CDH23: variants seen among roughly 807,000 people sequenced by gnomAD.
The protein encoded by CDH23 is cadherin-23.
A neutral mutation model predicts 317.1 loss-of-function variants in CDH23; 189 were observed. The ratio of observed to expected loss-of-function variants is 0.60; its 90% CI spans 0.53 to 0.67. The LOEUF is 0.67. CDH23 is among the 30% of genes least tolerant of loss of function. The pLI is 0.00. For missense variants in CDH23, 4,401 were observed against 4,592.4 expected, an observed-to-expected ratio of 0.96 and a Z score of 1.20; for synonymous variants, 1,839 against 1,876.8, an observed-to-expected ratio of 0.98 and a Z score of 0.52.
At chr10:71,787,544 C>T (rs893575351) in intron 44 of CDH23, among the ~76,000 whole-genome samples, 4 of 145,436 alleles carry the variant, frequency 2.8e-5, no homozygotes, top group African/African-American at 1.0e-4. Context: ...TCTTCCCATC[C>T]TCCCACCCTT....
intron 1 of CDH23, among the ~76,000 whole-genome samples, chr10:71,422,234 T>C (rs929491197): frequency 6.6e-6 from 1 of 152,190 alleles, no homozygotes; most frequent in Non-Finnish European, 1.5e-5. Context: ...CATCTTGAAA[T>C]CACTGGTTCT....
intron 1 of CDH23, among the ~76,000 whole-genome samples, chr10:71,401,663 G>A (rs1847787508): frequency 6.6e-6 from 1 of 152,150 alleles, no homozygotes; most frequent in Non-Finnish European, 1.5e-5. Context: ...TAACACAATA[G>A]GGAGTGGTGG....
chr10:71,739,506 TA>T, intron 35 of CDH23, 137 bp from the exon 36 acceptor site: 1 of 1,045,934 alleles, frequency 9.6e-7, no homozygotes, highest in East Asian at 2.6e-5. Flanking sequence ...CACTTCTGCT[TA>T]AAACACTGCA....
intron 14 of CDH23, among the ~76,000 whole-genome samples, chr10:71,671,798 C>T (rs563965452): frequency 6.6e-5 from 10 of 152,348 alleles, no homozygotes; most frequent in African/African-American, 2.4e-4. Context: ...AGTCACTTAA[C>T]ACCACTGCGC....
At chr10:71,511,824 G>T (rs1481073083) in intron 6 of CDH23, 1 of 155,288 alleles carries the variant, frequency 6.4e-6, no homozygotes, top group Non-Finnish European at 1.4e-5. Flanking sequence ...TGGCACCAGG[G>T]TTCCCACTGC....
intron 7 of CDH23, 68 bp downstream of exon 7, chr10:71,567,004 G>T (rs1239564089): frequency 1.4e-6 from 2 of 1,421,558 alleles, no homozygotes; most frequent in African/African-American, 2.8e-5. Context: ...GAGTGACGGG[G>T]CATTCCAATG....
chr10:71,722,171 T>A (rs1268354240), intron 28 of CDH23, among the ~76,000 whole-genome samples: 1 of 152,218 alleles, frequency 6.6e-6, no homozygotes, highest in African/African-American at 2.4e-5. Context: ...CCAGACATGG[T>A]GGCTCATGCC....
intron 38 of CDH23, chr10:71,755,613 G>T: frequency 1.4e-6 from 1 of 734,406 alleles, no homozygotes; most frequent in Non-Finnish European, 2.3e-6. Context: ...AACCTACAGA[G>T]GCATGGAAGA....
chr10:71,744,577 C>G (rs1839811009), intron 38 of CDH23, among the ~76,000 whole-genome samples: 1 of 152,216 alleles, frequency 6.6e-6, no homozygotes, highest in African/African-American at 2.4e-5. Context: ...CCCATCCCAC[C>G]CCTTGGGGAG....
At chr10:71,558,830 C>A (rs1373854117) in intron 6 of CDH23, among the ~76,000 whole-genome samples, 1 of 152,186 alleles carries the variant, frequency 6.6e-6, no homozygotes, top group Non-Finnish European at 1.5e-5. Context: ...CTTTTTACTG[C>A]CTGGAGCCTT....
Position 71,793,375 on chromosome 10 carries a change from G to A in CDH23, c.6447G>A (p.Arg2149=), listed in dbSNP as rs1589424795. The change falls in exon 48 of 70, where the codon CGG becomes CGA. Residue 2149 remains arginine (R), a synonymous_variant. Transcript: ENST00000224721. ...SYRLTVVATD[R]GTVPLSGTAI... ...GGCTAACGGTGGTGGCCACCGACCG[G>A]GGCACCGTTCCTCTCTCGGGCACAG... The A allele has an allele frequency of 6.2e-7, 1 of 1,613,914 alleles. No individual in the cohort carries two copies. Among genetic ancestry groups the A allele is most frequent in the Non-Finnish European group, 8.5e-7 (1 of 1,179,874 alleles).
intron 38 of CDH23, chr10:71,754,927 G>A (rs1840094636): frequency 2.7e-6 from 1 of 367,358 alleles, no homozygotes; most frequent in Non-Finnish European, 5.6e-6. Context: ...GAGCTAAGTT[G>A]TCTGTAAGAC....
In CDH23 at chr10:71,803,374, C is replaced by T. The variant is rs1260523958; in HGVS notation, c.7826C>T (p.Pro2609Leu). ...GTCATCGACGTCAATGACAACCGCC[C>T]TGTCTTTGTGCGCCCACCCAACGGC... Reference protein sequence around the residue: ...VEVIDVNDNRPVFVRPPNGTI... With the variant: ...VEVIDVNDNRLVFVRPPNGTI... Residue 2609 changes from proline (P) to leucine (L), a missense_variant, in exon 55 of 70, where the codon CCT (proline) becomes CTT (leucine). By Grantham distance (98) the Pro-to-Leu change is moderately conservative. This residue lies in a region of CDH23 where 1,144 missense variants were observed against 1,138.2 expected (regional missense o/e 1.01). Transcript: ENST00000224721. The T allele has an allele frequency of 7.5e-6, 12 of 1,600,808 alleles. No homozygotes were observed. Among genetic ancestry groups the T allele is most frequent in the Non-Finnish European group, 9.4e-6 (11 of 1,174,290 alleles).
intron 42 of CDH23, 31 bp downstream of exon 42, chr10:71,784,451 A>C: frequency 6.2e-7 from 1 of 1,604,266 alleles, no homozygotes; most frequent in Admixed American, 1.7e-5. Context: ...CGCTGGCTTC[A>C]CCTCGCTGCC....
intron 3 of CDH23, among the ~76,000 whole-genome samples, chr10:71,498,170 A>G (rs112171542): frequency 0.017 from 2,602 of 152,314 alleles, 59 homozygotes; most frequent in African/African-American, 0.054. Context: ...ATGGTCACAC[A>G]GCTAGTCCTG....
intron 3 of CDH23, among the ~76,000 whole-genome samples, chr10:71,491,662 G>A (rs968952433): frequency 6.6e-6 from 1 of 152,196 alleles, no homozygotes; most frequent in Non-Finnish European, 1.5e-5. Context: ...AGTACAGTTT[G>A]TCAGAGGATG....
chr10:71,718,159 C>T (rs1370804502), intron 28 of CDH23, among the ~76,000 whole-genome samples: 3 of 152,310 alleles, frequency 2.0e-5, no homozygotes, highest in East Asian at 1.9e-4. Flanking sequence ...GTTTCTAGCA[C>T]GGAAGCTCAG....
intron 14 of CDH23, 166 bp downstream of exon 14, chr10:71,646,783 G>A (rs1862908295): frequency 6.4e-7 from 1 of 1,571,514 alleles, no homozygotes; most frequent in African/African-American, 1.4e-5. Context: ...GGACTCTTCA[G>A]GAAGGGGCTC....
chr10:71,402,511 G>C (rs1288366370), intron 1 of CDH23, among the ~76,000 whole-genome samples: 1 of 152,198 alleles, frequency 6.6e-6, no homozygotes, highest in African/African-American at 2.4e-5. Context: ...CTTGCTATGA[G>C]CATTAATGAG....
Sources: allele counts gnomAD v4.1 joint callset (sites outside exome capture counted in the v4.1 genomes callset), GRCh38; gene constraint gnomAD v4.1.1; regional missense constraint gnomAD v4.1.1; transcripts MANE v1.5; gene names NCBI Gene and HGNC (gene_info 2026-07-23, HGNC 2026-07-21).